WDR83: variants seen among roughly 807,000 people sequenced by gnomAD.
WDR83 encodes WD repeat domain-containing protein 83.
A neutral mutation model predicts 37.7 loss-of-function variants in WDR83; 37 were observed. The observed-to-expected ratio is 0.98, with a 90% CI of 0.76 to 1.29. The LOEUF (loss-of-function observed/expected upper bound fraction) is 1.29, where lower values mean the gene tolerates loss of function less well. Among genes scored for constraint, WDR83 ranks in the 50% most tolerant of loss-of-function variants. The pLI, the probability that WDR83 is intolerant of heterozygous loss-of-function variation, is 0.00. For missense variants in WDR83, 445 were observed against 414.4 expected, an observed-to-expected ratio of 1.07 and a Z score of -0.64; for synonymous variants, 174 against 181.1, an observed-to-expected ratio of 0.96 and a Z score of 0.31.
Position 12,670,594 on chromosome 19 carries a change from C to T in WDR83, c.362C>T (p.Ala121Val), listed in dbSNP as rs143997235. The T allele has an allele frequency of 1.2e-6, 2 of 1,614,252 alleles. No homozygotes were observed. The highest frequency in any genetic ancestry group is 1.6e-4 in the Middle Eastern group (1 of 6,062). The change falls in exon 6 of 11, where the codon GCC becomes GTC. Residue 121 changes from alanine to valine, a missense_variant. Coordinates refer to ENST00000418543, the MANE Select transcript of WDR83 (RefSeq NM_001099737.3). ...KVNTVQFNEE[A>V]TVILSGSIDS... is the part of the protein sequence containing the mutation. ...AACACGGTGCAGTTTAATGAAGAGGCCACAGTTATCCTGTCCGGTGAGTCT... is the reference window on the plus strand; with the variant it reads ...AACACGGTGCAGTTTAATGAAGAGGTCACAGTTATCCTGTCCGGTGAGTCT...
chr19:12,670,897 C>T, intron 7 of WDR83, 76 bp downstream of exon 7: 2 of 1,540,348 alleles, frequency 1.3e-6, no homozygotes, highest in South Asian at 1.2e-5. Flanking sequence ...AGATTAAAAC[C>T]TACTCTCAGC....
intron 7 of WDR83, chr19:12,672,569 T>G: frequency 2.2e-6 from 1 of 458,748 alleles, no homozygotes; most frequent in Non-Finnish European, 4.0e-6. Context: ...GATCATGCCA[T>G]TGCACTCCAG....
chr19:12,672,433 A>AC (rs2145319212), intron 7 of WDR83: 1 of 203,022 alleles, frequency 4.9e-6, no homozygotes, highest in South Asian at 6.9e-5. Context: ...ACATGGAGAA[A>AC]CCCCGTCTCT....
intron 10 of WDR83, 56 bp from the exon 11 acceptor site, chr19:12,675,467 A>T (rs2024546548): frequency 6.4e-7 from 1 of 1,573,604 alleles, no homozygotes; most frequent in Non-Finnish European, 8.6e-7. Context: ...CAGGGACCTC[A>T]GAAACCAGGG....
chr19:12,669,166 G>C (rs759056832), intron 2 of WDR83: 3 of 1,614,166 alleles, frequency 1.9e-6, no homozygotes, highest in East Asian at 4.5e-5. Context: ...ATCATGCCCA[G>C]CAGGTTCATG....
chr19:12,667,512 G>A (rs1402751566), intron 1 of WDR83, among the ~76,000 whole-genome samples: 1 of 152,178 alleles, frequency 6.6e-6, no homozygotes, highest in Non-Finnish European at 1.5e-5. Flanking sequence ...AATTAGCTGG[G>A]CATGGTGGCA....
In WDR83 at chr19:12,675,704, C is replaced by A. The variant is rs756634410; in HGVS notation, c.*32C>A. 1.3e-6 allele frequency: 2 copies of A among 1,596,334 alleles called. No homozygotes were observed. Among genetic ancestry groups the A allele is most frequent in the South Asian group, 2.2e-5 (2 of 90,338 alleles). On this transcript the variant is annotated 3_prime_UTR_variant, in exon 11 of 11. Coordinates refer to ENST00000418543, the MANE Select transcript of WDR83 (RefSeq NM_001099737.3). Reference sequence around the variant, plus strand: ...GGGACCCACCAACAGGACCAAGGACCGAGACACAGACATGGAAGGACTTCA... The same window carrying A: ...GGGACCCACCAACAGGACCAAGGACAGAGACACAGACATGGAAGGACTTCA...
intron 6 of WDR83, 23 bp downstream of exon 6, chr19:12,670,634 G>C (rs745502771): frequency 1.9e-6 from 3 of 1,614,056 alleles, no homozygotes; most frequent in Non-Finnish European, 2.5e-6. Context: ...CCTAAGCACG[G>C]GGGCCCAGGG....
intron 7 of WDR83, 44 bp from the exon 8 acceptor site, chr19:12,672,801 ATG>A: frequency 6.5e-7 from 1 of 1,541,336 alleles, no homozygotes; most frequent in East Asian, 2.4e-5. Context: ...GCCTGGAGCC[ATG>A]TGAGTGTAGT....
At chr19:12,671,888 G>C (rs2145316937) in intron 7 of WDR83, among the ~76,000 whole-genome samples, 2 of 152,214 alleles carry the variant, frequency 1.3e-5, no homozygotes, top group South Asian at 4.1e-4. Flanking sequence ...AGTAGAGACG[G>C]GGTTTCGCCA....
intron 7 of WDR83, 63 bp downstream of exon 7, chr19:12,670,884 C>A: frequency 6.4e-7 from 1 of 1,565,904 alleles, no homozygotes; most frequent in African/African-American, 1.4e-5. Context: ...TGCCCCCATG[C>A]TCAGATTAAA....
intron 8 of WDR83, 40 bp from the exon 9 acceptor site, chr19:12,672,968 G>A (rs1306353265): frequency 6.3e-7 from 1 of 1,598,684 alleles, no homozygotes. Flanking sequence ...GCCAACCAGG[G>A]GCACCCCACC....
intron 2 of WDR83, chr19:12,669,148 T>G: frequency 6.2e-7 from 1 of 1,614,088 alleles, no homozygotes; most frequent in Non-Finnish European, 8.5e-7. Flanking sequence ...AGGCCGCACA[T>G]GCTGAAGATC....
chr19:12,672,364 T>C, intron 7 of WDR83: 1 of 191,516 alleles, frequency 5.2e-6, no homozygotes, highest in South Asian at 8.5e-5. Context: ...ATCCCAGCAC[T>C]TTGGGAGGCT....
chr19:12,668,149 C>A (rs1008869020), intron 1 of WDR83: 2 of 569,274 alleles, frequency 3.5e-6, no homozygotes, highest in African/African-American at 1.9e-5. Context: ...GACAGCATCT[C>A]CCCCAGCAGC....
chr19:12,675,778 G>T lies in WDR83; in HGVS notation c.*106G>T. 1 of 1,565,610 alleles carries T rather than the reference G, an allele frequency of 6.4e-7. No individual in the cohort carries two copies. On this transcript the variant is annotated 3_prime_UTR_variant, in exon 11 of 11. Coordinates refer to ENST00000418543, the MANE Select transcript of WDR83 (RefSeq NM_001099737.3). ...TAGCTGACCAAAAAGTAGGGGAGGG[G>T]CTGGGTCTGCAAATTAATAAATAGA...
chr19:12,675,389 G>A (rs1433230115), intron 10 of WDR83, 134 bp from the exon 11 acceptor site: 1 of 1,272,158 alleles, frequency 7.9e-7, no homozygotes, highest in Non-Finnish European at 1.1e-6. Context: ...GAGGCAATTA[G>A]AGGCAGGTGG....
intron 10 of WDR83, among the ~76,000 whole-genome samples, chr19:12,673,965 G>A (rs972058090): frequency 3.3e-5 from 5 of 152,230 alleles, no homozygotes; most frequent in African/African-American, 9.6e-5. Context: ...CTCCCAAAGT[G>A]CTGGGATTAC....
At chr19:12,673,414 T>A in intron 10 of WDR83, 98 bp downstream of exon 10, 23 of 472,618 alleles carry the variant, frequency 4.9e-5, no homozygotes, top group Non-Finnish European at 6.0e-5. Flanking sequence ...TAGGATCTTT[T>A]TTTTTTTTTT....
Sources: allele counts gnomAD v4.1 joint callset (sites outside exome capture counted in the v4.1 genomes callset), GRCh38; gene constraint gnomAD v4.1.1; transcripts MANE v1.5; gene names NCBI Gene and HGNC (gene_info 2026-07-23, HGNC 2026-07-21).